The following CPNE4 variants were observed in gnomAD, a reference collection of about 807,000 sequenced individuals.
CPNE4 encodes the protein copine-4.
Under a neutral mutation model 67.9 loss-of-function variants are expected in CPNE4, and 25 were observed. The observed-to-expected ratio is 0.37, with a 90% CI of 0.27 to 0.51. CPNE4 has a LOEUF of 0.51. CPNE4 is among the 20% of genes least tolerant of loss of function. CPNE4 has a pLI of 0.93. For synonymous variants in CPNE4, 242 were observed against 244.9 expected (o/e 0.99, Z 0.11); for missense variants, 464 against 690.8 (o/e 0.67, Z 3.68).
At chr3:131,921,307 G>A (rs1268458289) in intron 1 of CPNE4, among the ~76,000 whole-genome samples, 1 of 152,148 alleles carries the variant, frequency 6.6e-6, no homozygotes, top group Non-Finnish European at 1.5e-5. Context: ...AGTCCAAGTA[G>A]CAAATAAGTT....
intron 2 of CPNE4, among the ~76,000 whole-genome samples, chr3:131,730,119 T>C (rs2082094414): frequency 6.6e-6 from 1 of 152,226 alleles, no homozygotes; most frequent in Admixed American, 6.5e-5. Context: ...TTGGAGTGCA[T>C]GTTATAATTA....
chr3:131,549,676 A>G (rs1936065369), intron 14 of CPNE4, among the ~76,000 whole-genome samples: 2 of 152,128 alleles, frequency 1.3e-5, no homozygotes, highest in Admixed American at 1.3e-4. Flanking sequence ...TGAATATAGT[A>G]GCTTCCATTG....
intron 1 of CPNE4, among the ~76,000 whole-genome samples, chr3:131,914,676 TTAAAAA>T (rs1464546801): frequency 6.6e-6 from 1 of 152,166 alleles, no homozygotes; most frequent in Non-Finnish European, 1.5e-5. Flanking sequence ...TATAATTCGT[TTAAAAA>T]TAACTTGCTT....
At chr3:131,732,927 G>C (rs1373341226) in intron 2 of CPNE4, among the ~76,000 whole-genome samples, 1 of 152,128 alleles carries the variant, frequency 6.6e-6, no homozygotes, top group African/African-American at 2.4e-5. Context: ...CTTCCTGTTA[G>C]TGACAACACC....
At chr3:131,716,480 C>A (rs876520) in intron 3 of CPNE4, among the ~76,000 whole-genome samples, 132,082 of 152,176 alleles carry the variant, frequency 0.87, 57,616 homozygotes, top group Non-Finnish European at 0.9. Flanking sequence ...AAATCCAACT[C>A]AGTAAAATAC....
rs1213293301 is a variant in CPNE4 at position 131,576,745 on chromosome 3, G to A, written c.868-1615C>T. 2.0e-5 allele frequency among the ~76,000 whole-genome samples: 3 copies of A among 151,996 alleles called. No homozygotes were observed. In the East Asian group the frequency reaches 5.8e-4, roughly 29 times the overall value. ...GTGTGTTTTTTTTTCATAGGCAGGA[G>A]TGGGCAAGGCAGGGTAAGCAGCTAA... On this transcript the variant is annotated intron_variant, in intron 9 of 15. Transcript: ENST00000429747.
At chr3:132,016,781 G>A (rs1349107962) in intron 1 of CPNE4, among the ~76,000 whole-genome samples, 1 of 152,148 alleles carries the variant, frequency 6.6e-6, no homozygotes, top group African/African-American at 2.4e-5. Flanking sequence ...GGACTCAAAA[G>A]GCTTCTCCTT....
At chr3:131,779,868 C>CAACA (rs1488181671) in intron 2 of CPNE4, among the ~76,000 whole-genome samples, 1 of 151,886 alleles carries the variant, frequency 6.6e-6, no homozygotes, top group Non-Finnish European at 1.5e-5. Context: ...AACTTCTGTA[C>CAACA]AACAAAGAAA....
At chr3:131,743,962 C>CAAAAAAAAAAAAAAAAAA (rs67791015) in intron 2 of CPNE4, among the ~76,000 whole-genome samples, 4 of 59,202 alleles carry the variant, frequency 6.8e-5, no homozygotes, top group African/African-American at 2.2e-4. Flanking sequence ...GACTCCGTCT[C>CAAAAAAAAAAAAAAAAAA]AAAAAAAAAA....
intron 7 of CPNE4, among the ~76,000 whole-genome samples, chr3:131,658,464 G>A (rs536432671): frequency 6.6e-6 from 1 of 152,174 alleles, no homozygotes; most frequent in Non-Finnish European, 1.5e-5. Flanking sequence ...CATTTTCAAT[G>A]AGCTCATGTT....
chr3:131,997,971 C>T (rs1285341901), intron 1 of CPNE4, among the ~76,000 whole-genome samples: 3 of 152,152 alleles, frequency 2.0e-5, no homozygotes, highest in African/African-American at 7.2e-5. Context: ...GGGCAGAGCC[C>T]TTATGACTTC....
chr3:131,828,310 C>A (rs1435234739), intron 2 of CPNE4, among the ~76,000 whole-genome samples: 1 of 152,078 alleles, frequency 6.6e-6, no homozygotes, highest in African/African-American at 2.4e-5. Context: ...TTTTCATCAA[C>A]CAAGAAAGTG....
In CPNE4 at chr3:131,890,725, A is replaced by T. The variant is rs189407015; in HGVS notation, c.180+14539T>A. Among the ~76,000 whole-genome samples the T allele has an allele frequency of 1.9e-3, 289 of 152,308 alleles. 2 individuals carry two copies. Among genetic ancestry groups the T allele is most frequent in the African/African-American group, 6.5e-3 (269 of 41,584 alleles). ...TTTATCAACAGATGAATAAGCAAAG[A>T]AAGTGTTGTATAAACATACAATGAA... On this transcript the variant is annotated intron_variant, in intron 2 of 15. Transcript: ENST00000429747.
At chr3:131,693,830 C>T (rs79714811) in intron 5 of CPNE4, among the ~76,000 whole-genome samples, 3,880 of 152,140 alleles carry the variant, frequency 0.026, 117 homozygotes, top group African/African-American at 0.074. Context: ...GAGACCAAAC[C>T]ACCTTCTATT....
intron 10 of CPNE4, among the ~76,000 whole-genome samples, chr3:131,567,972 T>C (rs183422607): frequency 1.2e-4 from 18 of 152,118 alleles, no homozygotes; most frequent in Middle Eastern, 3.4e-3. Flanking sequence ...CCCATGGCAA[T>C]GGCCCCTACG....
At chr3:131,876,172 G>A (rs1221958603) in intron 2 of CPNE4, among the ~76,000 whole-genome samples, 1 of 151,792 alleles carries the variant, frequency 6.6e-6, no homozygotes, top group Non-Finnish European at 1.5e-5. Flanking sequence ...CCAGGAGGCG[G>A]AGGTTACAGT....
chr3:131,731,389 T>C (rs1176544338), intron 2 of CPNE4, among the ~76,000 whole-genome samples: 1 of 152,164 alleles, frequency 6.6e-6, no homozygotes, highest in Admixed American at 6.5e-5. Flanking sequence ...TTCTGGGTCT[T>C]CCCCTTCCTT....
chr3:131,706,057 G>A (rs898702924), intron 3 of CPNE4, among the ~76,000 whole-genome samples: 2 of 152,188 alleles, frequency 1.3e-5, no homozygotes, highest in African/African-American at 4.8e-5. Context: ...GTCCTGGCCA[G>A]AGCATTTTGT....
intron 1 of CPNE4, among the ~76,000 whole-genome samples, chr3:131,997,752 A>G (rs570711090): frequency 5.9e-5 from 9 of 152,282 alleles, no homozygotes; most frequent in African/African-American, 1.9e-4. Context: ...AGGTATGAAC[A>G]TTTAAAAACT....
Sources: gnomAD v4.1 joint callset for allele counts (sites outside exome capture counted in the v4.1 genomes callset) on GRCh38, gnomAD v4.1.1 for gene constraint, MANE v1.5 for transcripts, NCBI Gene and HGNC (gene_info 2026-07-23, HGNC 2026-07-21) for gene names.